Variants in GRIK1 observed in about 807,000 individuals in gnomAD.
GRIK1 encodes glutamate receptor ionotropic, kainate 1.
Under a neutral mutation model 105.7 loss-of-function variants are expected in GRIK1, and 69 were observed. The observed-to-expected ratio is 0.65, with a 90% CI of 0.54 to 0.80. The LOEUF (loss-of-function observed/expected upper bound fraction) is 0.80, where lower values mean the gene tolerates loss of function less well. GRIK1 is among the 30% of genes least tolerant of loss of function. The probability of loss-of-function intolerance (pLI) is 0.00; values close to 1 mark genes in which losing one functional copy is unlikely to be tolerated. For missense variants in GRIK1, 1,109 were observed against 1,167.3 expected, an observed-to-expected ratio of 0.95 and a Z score of 0.73; for synonymous variants, 438 against 431.3, an observed-to-expected ratio of 1.02 and a Z score of -0.19.
At chr21:29,805,267 A>T (rs972121352) in intron 1 of GRIK1, among the ~76,000 whole-genome samples, 2 of 152,162 alleles carry the variant, frequency 1.3e-5, no homozygotes, top group Non-Finnish European at 2.9e-5. Flanking sequence ...ATGTGGTTAT[A>T]AAGCCTGGAA....
At chr21:29,594,545 A>T (rs1295183336) in intron 9 of GRIK1, among the ~76,000 whole-genome samples, 2 of 152,200 alleles carry the variant, frequency 1.3e-5, no homozygotes, top group African/African-American at 4.8e-5. Context: ...TATCTAAATT[A>T]CCTGGCCCTG....
rs537060686 is a variant in GRIK1 at position 29,696,555 on chromosome 21, T to C, written c.119-2492A>G. Among the ~76,000 whole-genome samples, 47 of 152,362 alleles carry C rather than the reference T, an allele frequency of 3.1e-4. No individual in the cohort carries two copies. In the South Asian group the frequency reaches 4.6e-3, roughly 15 times the overall value. On this transcript the variant is annotated intron_variant, in intron 1 of 17. Coordinates refer to ENST00000327783, the MANE Select transcript of GRIK1 (RefSeq NM_001330994.2). Reference sequence around the variant, plus strand: ...ACACTTGGTCACCAGAAGGTGGACATAAGTCCGTCTTACTGCCACCATCTA... The same window carrying C: ...ACACTTGGTCACCAGAAGGTGGACACAAGTCCGTCTTACTGCCACCATCTA...
chr21:29,557,499 C>G (rs888588612), intron 15 of GRIK1, among the ~76,000 whole-genome samples: 2 of 152,166 alleles, frequency 1.3e-5, no homozygotes, highest in Non-Finnish European at 2.9e-5. Context: ...TACTCCCACC[C>G]CTACATAAGC....
In GRIK1 at chr21:29,615,689, T is replaced by C. The variant is rs1242245638; in HGVS notation, c.1099-16752A>G. Among the ~76,000 whole-genome samples, 4 of 152,366 alleles carry C rather than the reference T, an allele frequency of 2.6e-5. No homozygotes were observed. In the East Asian group the frequency reaches 7.7e-4, roughly 29 times the overall value. On this transcript the variant is annotated intron_variant, in intron 7 of 17. Transcript: ENST00000327783. ...GCTGAATTCCGAAGATCTTCCAAGA[T>C]ATATGTAATACTGCTATAATTTCAG...
At chr21:29,840,832 C>G (rs11701347) in intron 1 of GRIK1, among the ~76,000 whole-genome samples, 7,399 of 151,976 alleles carry the variant, frequency 0.049, 284 homozygotes, top group Non-Finnish European at 0.075. Flanking sequence ...AAATAGCAAC[C>G]AAACCCACCT....
At chr21:29,602,817 G>T (rs187720607) in intron 7 of GRIK1, among the ~76,000 whole-genome samples, 13 of 152,294 alleles carry the variant, frequency 8.5e-5, no homozygotes, top group Non-Finnish European at 1.6e-4. Context: ...GACTTTTGGG[G>T]AATCATGGGG....
chr21:29,675,814 C>T (rs1209828490), intron 3 of GRIK1, among the ~76,000 whole-genome samples: 1 of 152,100 alleles, frequency 6.6e-6, no homozygotes, highest in Admixed American at 6.6e-5. Context: ...TAATAAGTGG[C>T]AGAACCCGGG....
intron 1 of GRIK1, among the ~76,000 whole-genome samples, chr21:29,919,338 T>G (rs1005890895): frequency 6.6e-6 from 1 of 152,136 alleles, no homozygotes; most frequent in African/African-American, 2.4e-5. Flanking sequence ...ATATCCATCA[T>G]AGTCACTGCA....
At chr21:29,568,675 T>C (rs893123466) in intron 14 of GRIK1, among the ~76,000 whole-genome samples, 2 of 152,270 alleles carry the variant, frequency 1.3e-5, no homozygotes, top group Non-Finnish European at 2.9e-5. Context: ...ATTTCTTACA[T>C]GAATACTTCA....
At chr21:29,650,497 T>C (rs532494614) in intron 6 of GRIK1, among the ~76,000 whole-genome samples, 2 of 152,236 alleles carry the variant, frequency 1.3e-5, no homozygotes, top group South Asian at 2.1e-4. Flanking sequence ...AAGAGACAAA[T>C]GATGTTAGGG....
chr21:29,793,457 CTT>C (rs923946378), intron 1 of GRIK1, among the ~76,000 whole-genome samples: 2 of 151,970 alleles, frequency 1.3e-5, no homozygotes, highest in Non-Finnish European at 2.9e-5. Flanking sequence ...CTCTCTCTCT[CTT>C]TGTCTCTCTC....
chr21:29,623,209 G>A (rs1026857192), intron 7 of GRIK1, among the ~76,000 whole-genome samples: 3 of 152,182 alleles, frequency 2.0e-5, no homozygotes, highest in African/African-American at 4.8e-5. Context: ...AGGCAAGAGC[G>A]AGAGCATGTG....
At chr21:29,802,948 A>G (rs2066754477) in intron 1 of GRIK1, among the ~76,000 whole-genome samples, 1 of 152,176 alleles carries the variant, frequency 6.6e-6, no homozygotes, top group African/African-American at 2.4e-5. Context: ...GCTGACAGTC[A>G]TAGTGTCCAG....
At position 29,561,638 on chromosome 21, in the gene GRIK1, A is replaced by G; in HGVS notation, c.2342T>C (p.Val781Ala). The G allele has an allele frequency of 3.1e-6, 5 of 1,609,604 alleles. No individual in the cohort carries two copies. Among genetic ancestry groups the G allele is most frequent in the Non-Finnish European group, 4.3e-6 (5 of 1,175,964 alleles). Residue 781 changes from valine to alanine, a missense_variant, in exon 15 of 18, where the codon GTG becomes GCG. Coordinates refer to ENST00000327783, the MANE Select transcript of GRIK1 (RefSeq NM_001330994.2). Reference sequence around the variant, plus strand: ...ACCCGTCTTACCAATAGGTGTTCCCACTCCGTAACCTTTGGAGTCAATGAG... The same window carrying G: ...ACCCGTCTTACCAATAGGTGTTCCCGCTCCGTAACCTTTGGAGTCAATGAG... The part of the protein sequence containing the change: ...GGLIDSKGYG[V>A]GTPIGSPYRD...
intron 10 of GRIK1, among the ~76,000 whole-genome samples, chr21:29,589,314 T>G (rs918878766): frequency 1.3e-5 from 2 of 152,084 alleles, no homozygotes; most frequent in Admixed American, 6.6e-5. Flanking sequence ...ACACAGTCAC[T>G]GTTAAATGTT....
rs753141976 is a variant in GRIK1 at position 29,555,139 on chromosome 21, A to C, written c.2520T>G (p.Ile840Met). Residue 840 changes from isoleucine to methionine, a missense_variant, in exon 16 of 18, where the codon ATT becomes ATG. Physicochemically the swap from Ile to Met is conservative, Grantham distance 10. Around this residue, in one of 5 missense-constraint regions of GRIK1, gnomAD observed 161 missense variants for 143.4 expected, o/e 1.12. Coordinates refer to ENST00000327783, the MANE Select transcript of GRIK1 (RefSeq NM_001330994.2). ...LGVENIGGIF[I>M]VLAAGLVLSV... is the part of the protein sequence containing the mutation. ...AAAGGACCAGTCCGGCAGCCAGAAC[A>C]ATGAAGATGCCTCCAATATTTTCCA... 2.5e-5 allele frequency: 40 copies of C among 1,613,716 alleles called. No homozygotes were observed. Among genetic ancestry groups the C allele is most frequent in the Non-Finnish European group, 3.3e-5 (39 of 1,179,744 alleles).
intron 1 of GRIK1, among the ~76,000 whole-genome samples, chr21:29,836,094 CA>C (rs1424122475): frequency 6.6e-6 from 1 of 152,190 alleles, no homozygotes; most frequent in Non-Finnish European, 1.5e-5. Flanking sequence ...CAAGCACATT[CA>C]TTTCAGTCGG....
At chr21:29,673,649 C>T (rs1398274462) in intron 3 of GRIK1, among the ~76,000 whole-genome samples, 1 of 152,130 alleles carries the variant, frequency 6.6e-6, no homozygotes, top group Admixed American at 6.6e-5. Flanking sequence ...AATTGGGTTG[C>T]TTTATATAAT....
At chr21:29,899,966 G>A (rs2070331038) in intron 1 of GRIK1, among the ~76,000 whole-genome samples, 1 of 151,782 alleles carries the variant, frequency 6.6e-6, no homozygotes, top group Admixed American at 6.6e-5. Context: ...TATGTATTAA[G>A]CACTGTGCTG....
Sources: gnomAD v4.1 joint callset for allele counts (sites outside exome capture counted in the v4.1 genomes callset) on GRCh38, gnomAD v4.1.1 for gene constraint, gnomAD v4.1.1 regional missense constraint, MANE v1.5 for transcripts, NCBI Gene and HGNC (gene_info 2026-07-23, HGNC 2026-07-21) for gene names.